ESRRG: variants seen among roughly 807,000 people sequenced by gnomAD.
The protein encoded by ESRRG is estrogen-related receptor gamma.
Under a neutral mutation model 44.0 loss-of-function variants are expected in ESRRG, and 13 were observed. The ratio of observed to expected loss-of-function variants is 0.30; its 90% CI spans 0.19 to 0.47. The LOEUF (loss-of-function observed/expected upper bound fraction) is 0.47, where lower values mean the gene tolerates loss of function less well. Ranked by LOEUF, ESRRG falls within the 20% of genes least tolerant of loss-of-function variation. ESRRG has a pLI of 1.00. For missense variants in ESRRG, 395 were observed against 580.6 expected, an observed-to-expected ratio of 0.68 and a Z score of 3.29; for synonymous variants, 215 against 214.6, an observed-to-expected ratio of 1.00 and a Z score of -0.02.
At chr1:216,868,513 C>T (rs144510503) in intron 2 of ESRRG, among the ~76,000 whole-genome samples, 44 of 152,236 alleles carry the variant, frequency 2.9e-4, no homozygotes, top group African/African-American at 1.9e-4. Flanking sequence ...TTACAAATAG[C>T]GCTGGTATAA....
In ESRRG at chr1:216,716,830, C is replaced by T. The variant is rs186462455; in HGVS notation, c.56+6414G>A. On this transcript the variant is annotated intron_variant, in intron 1 of 6. Transcript: ENST00000408911. ...TATTGTTTGAAAGAATTCCATATAG[C>T]CATAGGTTGTATTTCTAATTGTTAG... Among the ~76,000 whole-genome samples the T allele has an allele frequency of 3.6e-4, 55 of 151,808 alleles. No homozygotes were observed. The East Asian group carries it at 6.4e-3, about 18-fold the overall frequency.
intron 1 of ESRRG, among the ~76,000 whole-genome samples, chr1:217,122,179 C>T (rs1286661875): frequency 6.6e-6 from 1 of 152,160 alleles, no homozygotes; most frequent in Non-Finnish European, 1.5e-5. Flanking sequence ...AAGGGATCTT[C>T]TTTTATATGC....
chr1:216,711,465 T>A (rs537682770), intron 1 of ESRRG, among the ~76,000 whole-genome samples: 2 of 152,248 alleles, frequency 1.3e-5, no homozygotes, highest in East Asian at 3.9e-4. Flanking sequence ...GATGAAATAT[T>A]TGAGGTGTTG....
At position 216,575,784 on chromosome 1, in the gene ESRRG, G is replaced by C. The variant is rs11572754; in HGVS notation, c.590-7686C>G. Reference sequence around the variant, plus strand: ...TATATATTCCAAAAGCAGAAACACAGGCAGATGAAAACCAATTATGGAGGT... The same window carrying C: ...TATATATTCCAAAAGCAGAAACACACGCAGATGAAAACCAATTATGGAGGT... On this transcript the variant is annotated intron_variant, in intron 3 of 6. Coordinates refer to ENST00000408911, the MANE Select transcript of ESRRG (RefSeq NM_001438.4). 5.4e-3 allele frequency among the ~76,000 whole-genome samples: 828 copies of C among 152,100 alleles called. 19 individuals are homozygous for C. The East Asian group carries it at 0.06, about 11-fold the overall frequency.
chr1:217,054,352 T>A (rs1353118338), intron 1 of ESRRG, among the ~76,000 whole-genome samples: 1 of 152,214 alleles, frequency 6.6e-6, no homozygotes, highest in Non-Finnish European at 1.5e-5. Flanking sequence ...GCACATTTTA[T>A]TTGCCTTCCT....
chr1:216,684,228 A>G (rs1227358823), intron 1 of ESRRG, among the ~76,000 whole-genome samples: 1 of 152,202 alleles, frequency 6.6e-6, no homozygotes, highest in Non-Finnish European at 1.5e-5. Context: ...CAGTTGCTTC[A>G]ATTTGTATTG....
chr1:216,512,230 C>T (rs2042929274), intron 6 of ESRRG, among the ~76,000 whole-genome samples: 1 of 152,096 alleles, frequency 6.6e-6, no homozygotes. Flanking sequence ...CTTATAGGTG[C>T]CATAGGGATA....
intron 1 of ESRRG, among the ~76,000 whole-genome samples, chr1:216,975,276 C>T (rs1414390735): frequency 6.6e-6 from 1 of 152,192 alleles, no homozygotes; most frequent in African/African-American, 2.4e-5. Flanking sequence ...ATTCTTCTTT[C>T]AATGTCCTCT....
chr1:217,040,310 G>A (rs976507331), intron 1 of ESRRG, among the ~76,000 whole-genome samples: 3 of 152,140 alleles, frequency 2.0e-5, no homozygotes, highest in Non-Finnish European at 4.4e-5. Context: ...TGGCTTTGCT[G>A]AGAAAGTTAA....
chr1:216,774,675 C>T (rs1559582347), intron 2 of ESRRG, among the ~76,000 whole-genome samples: 1 of 151,954 alleles, frequency 6.6e-6, no homozygotes, highest in Non-Finnish European at 1.5e-5. Flanking sequence ...TCAAATGTAG[C>T]ACTAAATCCA....
At chr1:216,993,153 G>A (rs773215572) in intron 1 of ESRRG, among the ~76,000 whole-genome samples, 4 of 152,162 alleles carry the variant, frequency 2.6e-5, no homozygotes, top group Non-Finnish European at 4.4e-5. Context: ...GAATGAATGA[G>A]TTATTTTATT....
At chr1:216,657,879 C>G (rs74542326) in intron 2 of ESRRG, among the ~76,000 whole-genome samples, 1 of 152,078 alleles carries the variant, frequency 6.6e-6, no homozygotes, top group African/African-American at 2.4e-5. Context: ...CAGGTTGGTT[C>G]TTTAGCATTC....
intron 1 of ESRRG, among the ~76,000 whole-genome samples, chr1:216,687,625 C>T (rs955697024): frequency 6.6e-6 from 1 of 152,146 alleles, no homozygotes. Context: ...TTGTTCAGTG[C>T]TCCTGGTCTC....
At chr1:217,015,686 G>T (rs573138843) in intron 1 of ESRRG, among the ~76,000 whole-genome samples, 1 of 151,698 alleles carries the variant, frequency 6.6e-6, no homozygotes, top group East Asian at 1.9e-4. Context: ...GATATTTCAG[G>T]AACCTCAGGT....
intron 2 of ESRRG, among the ~76,000 whole-genome samples, chr1:216,801,246 T>G (rs1316708601): frequency 1.3e-5 from 2 of 152,130 alleles, no homozygotes; most frequent in African/African-American, 4.8e-5. Context: ...GTTAATTGAA[T>G]TTTTTTGAGA....
At chr1:216,778,672 C>T (rs1342517769) in intron 2 of ESRRG, among the ~76,000 whole-genome samples, 1 of 151,896 alleles carries the variant, frequency 6.6e-6, no homozygotes, top group Non-Finnish European at 1.5e-5. Flanking sequence ...AGGAGCCATA[C>T]TTTTGGCTGA....
chr1:217,030,704 C>T (rs1268620881), intron 1 of ESRRG, among the ~76,000 whole-genome samples: 1 of 152,200 alleles, frequency 6.6e-6, no homozygotes, highest in Non-Finnish European at 1.5e-5. Context: ...ACATTATAAA[C>T]ATGTTCCAGG....
At chr1:216,743,059 C>A (rs896132741) in intron 2 of ESRRG, among the ~76,000 whole-genome samples, 1 of 152,114 alleles carries the variant, frequency 6.6e-6, no homozygotes, top group Non-Finnish European at 1.5e-5. Flanking sequence ...GGAGTGAATT[C>A]CTCCTTCTGT....
chr1:216,959,875 G>A (rs2818788), intron 1 of ESRRG, among the ~76,000 whole-genome samples: 78,225 of 151,674 alleles, frequency 0.52, 21,873 homozygotes, highest in Middle Eastern at 0.71. Flanking sequence ...AAAACAGACA[G>A]ATAAACTAAC....
Sources: gnomAD v4.1 joint callset for allele counts (sites outside exome capture counted in the v4.1 genomes callset) on GRCh38, gnomAD v4.1.1 for gene constraint, MANE v1.5 for transcripts, NCBI Gene and HGNC (gene_info 2026-07-23, HGNC 2026-07-21) for gene names.